MARCHF6: variants seen among roughly 807,000 people sequenced by gnomAD.
MARCHF6 encodes the protein E3 ubiquitin-protein ligase MARCHF6.
In MARCHF6, 31 loss-of-function variants were observed where a neutral mutation model predicts 133.7. The ratio of observed to expected loss-of-function variants is 0.23; its 90% CI spans 0.17 to 0.31. The LOEUF is 0.31. MARCHF6 is among the 10% of genes least tolerant of loss of function. MARCHF6 has a pLI of 1.00. For missense variants in MARCHF6, 723 were observed against 1,121.6 expected, an observed-to-expected ratio of 0.64 and a Z score of 5.08; for synonymous variants, 395 against 402.5, an observed-to-expected ratio of 0.98 and a Z score of 0.22.
At chr5:10,429,425 C>G (rs1740258139) in intron 24 of MARCHF6, among the ~76,000 whole-genome samples, 1 of 147,792 alleles carries the variant, frequency 6.8e-6, no homozygotes, top group Admixed American at 6.7e-5. Context: ...GGCAGGGTCT[C>G]ACTCTGTTGT....
intron 1 of MARCHF6, among the ~76,000 whole-genome samples, chr5:10,357,698 T>G (rs1306795446): frequency 6.6e-6 from 1 of 152,212 alleles, no homozygotes; most frequent in Non-Finnish European, 1.5e-5. Context: ...TTTCACTGTT[T>G]TGGCATGCTT....
At chr5:10,415,875 G>A (rs1238028993) in intron 21 of MARCHF6, among the ~76,000 whole-genome samples, 1 of 152,110 alleles carries the variant, frequency 6.6e-6, no homozygotes, top group Admixed American at 6.5e-5. Context: ...GATATATGAG[G>A]TTTAAAAGAA....
intron 1 of MARCHF6, among the ~76,000 whole-genome samples, chr5:10,368,000 A>G (rs1005307987): frequency 6.6e-5 from 10 of 152,194 alleles, no homozygotes; most frequent in Non-Finnish European, 1.5e-4. Flanking sequence ...AGCAAGATTC[A>G]TAATTTTACT....
At chr5:10,417,590 T>C in intron 22 of MARCHF6, 186 bp downstream of exon 22, 2 of 671,628 alleles carry the variant, frequency 3.0e-6, no homozygotes, top group Non-Finnish European at 4.9e-6. Context: ...TATAAAAAAT[T>C]GGCTCATGCG....
intron 10 of MARCHF6, among the ~76,000 whole-genome samples, chr5:10,397,556 C>T (rs575470733): frequency 1.3e-5 from 2 of 152,082 alleles, no homozygotes; most frequent in South Asian, 4.2e-4. Context: ...CTACCTATCT[C>T]TCCCTCTGTT....
At chr5:10,370,801 A>C (rs1736422611) in intron 1 of MARCHF6, among the ~76,000 whole-genome samples, 1 of 152,162 alleles carries the variant, frequency 6.6e-6, no homozygotes, top group South Asian at 2.1e-4. Context: ...GCAGTAATAA[A>C]ACCACTTTTT....
chr5:10,396,823 T>A (rs1738219512), intron 9 of MARCHF6, among the ~76,000 whole-genome samples: 1 of 152,070 alleles, frequency 6.6e-6, no homozygotes, highest in Non-Finnish European at 1.5e-5. Flanking sequence ...AAGCTAGAGT[T>A]TTCCAAAGGA....
intron 22 of MARCHF6, 64 bp downstream of exon 22, chr5:10,417,468 C>G: frequency 6.3e-7 from 1 of 1,599,612 alleles, no homozygotes; most frequent in Non-Finnish European, 8.5e-7. Flanking sequence ...ATAATCCTAG[C>G]CAGGCATGGG....
In MARCHF6 at chr5:10,402,757, A is replaced by T. The variant is rs139702693; in HGVS notation, c.1197+150A>T. 315 of 729,694 alleles carry T rather than the reference A, an allele frequency of 4.3e-4. No homozygotes were observed. In the African/African-American group the frequency reaches 5.2e-3, roughly 12 times the overall value. The allele number at this position is 729,694 out of a possible 1,614,324, so 45.2% of individuals were successfully genotyped here. ...GTATCAGTATAGGATCTTAATGTTA[A>T]TTTTTCTTGAGTACCTGAGTTTTTG... On this transcript the variant is annotated intron_variant, in intron 14 of 25. Coordinates refer to ENST00000274140, the MANE Select transcript of MARCHF6 (RefSeq NM_005885.4).
rs140592029 is a variant in MARCHF6 at position 10,393,209 on chromosome 5, A to T, written c.767-873A>T. Among the ~76,000 whole-genome samples, 616 of 151,966 alleles carry T rather than the reference A, an allele frequency of 4.1e-3. 3 individuals carry two copies. Among genetic ancestry groups the T allele is most frequent in the Non-Finnish European group, 6.9e-3 (472 of 67,932 alleles). The stretch of plus-strand genomic sequence containing the variant: ...GCTCCCCAAGTAGCTGGGACCACAG[A>T]TGTGTGCCATCATGCCCAGCTAATT... On this transcript the variant is annotated intron_variant, in intron 7 of 25. Coordinates refer to ENST00000274140, the MANE Select transcript of MARCHF6 (RefSeq NM_005885.4).
chr5:10,420,008 C>T (rs1358980220), intron 22 of MARCHF6, among the ~76,000 whole-genome samples: 3 of 151,954 alleles, frequency 2.0e-5, no homozygotes, highest in African/African-American at 7.2e-5. Context: ...CTGATAATAC[C>T]CTAACCCAGT....
At chr5:10,427,165 T>C (rs991126057) in intron 24 of MARCHF6, among the ~76,000 whole-genome samples, 2 of 152,200 alleles carry the variant, frequency 1.3e-5, no homozygotes, top group African/African-American at 2.4e-5. Flanking sequence ...TCTCCAAGTG[T>C]CCCATTCTTC....
chr5:10,412,660 C>T (rs1739297007), intron 19 of MARCHF6, among the ~76,000 whole-genome samples: 1 of 152,146 alleles, frequency 6.6e-6, no homozygotes, highest in Non-Finnish European at 1.5e-5. Context: ...GTAGCCTTAA[C>T]CTCCTGGGTT....
intron 21 of MARCHF6, 108 bp from the exon 22 acceptor site, chr5:10,417,162 G>A (rs1407881958): frequency 7.9e-7 from 1 of 1,259,434 alleles, no homozygotes; most frequent in African/African-American, 1.5e-5. Context: ...GGATACTGAG[G>A]GATGACTGTG....
intron 9 of MARCHF6, 147 bp downstream of exon 9, chr5:10,394,932 T>G: frequency 3.6e-6 from 2 of 553,668 alleles, no homozygotes; most frequent in South Asian, 4.1e-5. Flanking sequence ...TCCAGGTAGC[T>G]GGGACTACAG....
intron 4 of MARCHF6, among the ~76,000 whole-genome samples, chr5:10,382,448 C>T (rs1158875804): frequency 7.1e-6 from 1 of 140,572 alleles, no homozygotes; most frequent in South Asian, 2.2e-4. Context: ...GCTTGGGCAA[C>T]AGAGCAAGAC....
At chr5:10,419,628 T>A (rs77069725) in intron 22 of MARCHF6, among the ~76,000 whole-genome samples, 2,887 of 148,030 alleles carry the variant, frequency 0.02, 90 homozygotes, top group African/African-American at 0.068. Context: ...TTTTTTTTTT[T>A]ACAGAAAAAT....
chr5:10,422,200 A>G (rs1739858175), intron 22 of MARCHF6, among the ~76,000 whole-genome samples: 1 of 152,212 alleles, frequency 6.6e-6, no homozygotes, highest in Admixed American at 6.5e-5. Flanking sequence ...TTGGAAGATG[A>G]ATGCAAAGCA....
chr5:10,377,507 A>T (rs1488729195), intron 1 of MARCHF6, among the ~76,000 whole-genome samples: 1 of 152,168 alleles, frequency 6.6e-6, no homozygotes, highest in South Asian at 2.1e-4. Flanking sequence ...TGTTGTGGAG[A>T]GCGCAGTTTT....
Sources: allele counts gnomAD v4.1 joint callset (sites outside exome capture counted in the v4.1 genomes callset), GRCh38; gene constraint gnomAD v4.1.1; transcripts MANE v1.5; gene names NCBI Gene and HGNC (gene_info 2026-07-23, HGNC 2026-07-21).